DENND3: variants seen among roughly 807,000 people sequenced by gnomAD.
The protein encoded by DENND3 is DENN domain containing 3.
A neutral mutation model predicts 135.1 loss-of-function variants in DENND3; 88 were observed. That is an observed-to-expected ratio of 0.65 (90% CI 0.55 to 0.78). The LOEUF is 0.78. DENND3 is among the 30% of genes least tolerant of loss of function. The pLI is 0.00. For synonymous variants in DENND3, 693 were observed against 712.3 expected, an observed-to-expected ratio of 0.97 and a Z score of 0.43; for missense variants, 1,392 against 1,688.4, an observed-to-expected ratio of 0.82 and a Z score of 3.08.
chr8:141,170,627 C>T (rs887603669), intron 13 of DENND3, among the ~76,000 whole-genome samples: 14 of 152,178 alleles, frequency 9.2e-5, no homozygotes, highest in East Asian at 1.9e-4. Flanking sequence ...GCTTCGGGGA[C>T]GCTGAGATGC....
rs1819140495 is a variant in DENND3, at chr8:141,154,044, T to C, written c.1075-1805T>C. ...AAACACTTGTGTCTCCCAAAGACGC[T>C]GGGCGTTAACACATCCACGGGACCG... On this transcript the variant is annotated intron_variant, in intron 7 of 22. Coordinates refer to ENST00000519811, the MANE Select transcript of DENND3 (RefSeq NM_001352890.3). This position sits in a 1 kb window ranked among gnomAD's most constrained non-coding sequence, Gnocchi z 4.4. Among the ~76,000 whole-genome samples the C allele has an allele frequency of 6.6e-6, 1 of 152,236 alleles. No homozygotes were observed. Among genetic ancestry groups the C allele is most frequent in the Non-Finnish European group, 1.5e-5 (1 of 68,030 alleles).
At chr8:141,149,687 C>T (rs111381281) in intron 5 of DENND3, among the ~76,000 whole-genome samples, 8 of 152,246 alleles carry the variant, frequency 5.3e-5, no homozygotes, top group African/African-American at 9.6e-5. Flanking sequence ...CCATATGTGC[C>T]GGTTGGGCTT....
chr8:141,193,611 T>G, intron 22 of DENND3: 1 of 164,912 alleles, frequency 6.1e-6, no homozygotes, highest in Non-Finnish European at 1.3e-5. Context: ...TGGGGCGGAA[T>G]TCGTTTAGTG....
Position 141,180,868 on chromosome 8 carries a change from G to A in DENND3, c.2944+14G>A, listed in dbSNP as rs750716418. The stretch of plus-strand genomic sequence containing the variant: ...TCTACACTCCAGGTAAGGCCCCTCT[G>A]CCCGCGCCTCGCTGCCAGTTTTCAG... On this transcript the variant is annotated intron_variant, in intron 17 of 22. Transcript: ENST00000519811. The A allele has an allele frequency of 1.9e-6, 3 of 1,602,116 alleles. No homozygotes were observed. The highest frequency in any genetic ancestry group is 1.7e-5 in the Admixed American group (1 of 58,946).
Position 141,194,386 on chromosome 8 carries a change from C to A in DENND3, c.*153C>A. On this transcript the variant is annotated 3_prime_UTR_variant, in exon 23 of 23. Coordinates refer to ENST00000519811, the MANE Select transcript of DENND3 (RefSeq NM_001352890.3). ...CTTACCGTGTGGCCAGCCGCGAGAC[C>A]CATGGCCACGCACCTTCTCTCAGGC... The A allele has an allele frequency of 2.3e-6, 2 of 863,474 alleles. No homozygotes were observed. Among genetic ancestry groups the A allele is most frequent in the Admixed American group, 2.6e-5 (1 of 38,564 alleles). 53.5% of individuals were successfully genotyped at this position (863,474 alleles called of 1,614,324 possible). A position where few individuals can be genotyped will look rare whatever the true frequency, so the allele number is the denominator to read the frequency against.
At chr8:141,133,727 C>T (rs191371432) in intron 1 of DENND3, among the ~76,000 whole-genome samples, 3 of 152,058 alleles carry the variant, frequency 2.0e-5, no homozygotes, top group East Asian at 1.9e-4. Context: ...GGCTGGGGCC[C>T]GAGGGGCTGG....
rs1816927298 is a variant in DENND3 at position 141,137,617 on chromosome 8, T to C, written c.386-405T>C. 6.6e-6 allele frequency among the ~76,000 whole-genome samples: 1 copy of C among 152,162 alleles called. No individual in the cohort carries two copies. The highest frequency in any genetic ancestry group is 2.4e-5 in the African/African-American group (1 of 41,440). ...TCCAGTTAACAGGTGAGCTTGCATTTTGGGGCGTTATTTTTCCTGTGGTCT... is the reference window on the plus strand; with the variant it reads ...TCCAGTTAACAGGTGAGCTTGCATTCTGGGGCGTTATTTTTCCTGTGGTCT... On this transcript the variant is annotated intron_variant, in intron 2 of 22. Transcript: ENST00000519811. This position sits in a 1 kb window ranked among gnomAD's most constrained non-coding sequence, Gnocchi z 4.1.
rs1207059228 is a variant in DENND3, at chr8:141,155,896, C to G, written c.1122C>G (p.Thr374=). 1 of 1,612,870 alleles carries G rather than the reference C, an allele frequency of 6.2e-7. No individual in the cohort carries two copies. The highest frequency in any genetic ancestry group is 1.1e-5 in the South Asian group (1 of 90,876). The part of the protein sequence containing the change: ...VLINIDHGSI[T]YSKSTDDNVD... Reference sequence around the variant, plus strand: ...TAAATATTGATCATGGGAGCATCACCTACTCCAAGTCCACGGACGATAACG... The same window carrying G: ...TAAATATTGATCATGGGAGCATCACGTACTCCAAGTCCACGGACGATAACG... The change falls in exon 8 of 23, where the codon ACC becomes ACG. Residue 374 remains threonine (T), a synonymous_variant. Coordinates refer to ENST00000519811, the MANE Select transcript of DENND3 (RefSeq NM_001352890.3).
At chr8:141,147,075 G>A (rs1381335993) in intron 5 of DENND3, among the ~76,000 whole-genome samples, 4 of 152,178 alleles carry the variant, frequency 2.6e-5, no homozygotes, top group African/African-American at 4.8e-5. Flanking sequence ...CGACGCACCC[G>A]TGAGGAAGGT....
chr8:141,171,778 C>T (rs1173981072), intron 13 of DENND3, among the ~76,000 whole-genome samples: 1 of 150,970 alleles, frequency 6.6e-6, no homozygotes, highest in African/African-American at 2.4e-5. Flanking sequence ...CATGGGTGTG[C>T]AAAGTAGTGG....
intron 18 of DENND3, chr8:141,188,729 C>T (rs555716082): frequency 1.6e-5 from 7 of 440,760 alleles, no homozygotes; most frequent in East Asian, 4.3e-5. Flanking sequence ...TGCTGGCGGC[C>T]GTGGGTTTCG....
rs307772 is a variant in DENND3 at position 141,136,609 on chromosome 8, T to A, written c.203T>A (p.Met68Lys). 3 of 1,601,552 alleles carry A rather than the reference T, an allele frequency of 1.9e-6. No individual in the cohort carries two copies. Among genetic ancestry groups the A allele is most frequent in the Non-Finnish European group, 2.6e-6 (3 of 1,174,224 alleles). The part of the protein sequence containing the change: ...PPFISKEDSQ[M>K]AGANCGTLGK... ...TTTATCAGTAAAGAGGACAGTCAAATGGCCGGTGCCAACTGCGGCACTCTC... is the reference window on the plus strand; with the variant it reads ...TTTATCAGTAAAGAGGACAGTCAAAAGGCCGGTGCCAACTGCGGCACTCTC... The change falls in exon 2 of 23, where the codon ATG (methionine) becomes AAG (lysine). Residue 68 changes from methionine (M) to lysine (K), a missense_variant. By Grantham distance (95) the Met-to-Lys change is moderately conservative. Transcript: ENST00000519811.
intron 13 of DENND3, among the ~76,000 whole-genome samples, chr8:141,171,566 A>G (rs1821563041): frequency 6.6e-6 from 1 of 152,210 alleles, no homozygotes; most frequent in Non-Finnish European, 1.5e-5. Flanking sequence ...TGTTTGTGTG[A>G]AACTGGAGAC....
At position 141,176,688 on chromosome 8, in the gene DENND3, A is replaced by C. The variant is rs201229068; in HGVS notation, c.2633A>C (p.Lys878Thr). 1 of 1,614,270 alleles carries C rather than the reference A, an allele frequency of 6.2e-7. No individual in the cohort carries two copies. Among genetic ancestry groups the C allele is most frequent in the East Asian group, 2.2e-5 (1 of 44,894 alleles). The stretch of plus-strand genomic sequence containing the variant: ...AAAGAAGTCTTCGAAGCCAACCTGA[A>C]AACCGAGTGTGACCTTTGGCACCTG... Reference protein sequence around the residue: ...SKKEVFEANLKTECDLWHLMV... With the variant: ...SKKEVFEANLTTECDLWHLMV... Residue 878 changes from lysine (K) to threonine (T), a missense_variant, in exon 15 of 23, where the codon AAA (lysine) becomes ACA (threonine). Coordinates refer to ENST00000519811, the MANE Select transcript of DENND3 (RefSeq NM_001352890.3).
At chr8:141,171,769 A>G (rs996617265) in intron 13 of DENND3, among the ~76,000 whole-genome samples, 2 of 150,956 alleles carry the variant, frequency 1.3e-5, no homozygotes, top group African/African-American at 4.9e-5. Flanking sequence ...CACAGCGGCC[A>G]TGGGTGTGCA....
rs745389614 is a variant in DENND3, at chr8:141,175,368, T to C, written c.2444T>C (p.Val815Ala). Residue 815 changes from valine to alanine, a missense_variant, in exon 14 of 23, where the codon GTT becomes GCT. Val to Ala is a moderately conservative substitution (Grantham distance 64). Transcript: ENST00000519811. This position sits in a 1 kb window ranked among gnomAD's most constrained non-coding sequence, Gnocchi z 5.4. ...AGCTCCGTCAAGACAAACCTAGGCG[T>C]TGGCAAGATCGCCATGACCCAGAAG... ...LSSSVKTNLG[V>A]GKIAMTQKRL... 1.9e-6 allele frequency: 3 copies of C among 1,614,176 alleles called. No homozygotes were observed. Among genetic ancestry groups the C allele is most frequent in the Admixed American group, 1.7e-5 (1 of 60,022 alleles).
At chr8:141,143,888 G>A in intron 4 of DENND3, 1 of 360,934 alleles carries the variant, frequency 2.8e-6, no homozygotes, top group Non-Finnish European at 5.0e-6. Context: ...CATGTAACTA[G>A]CACCCAGATG....
chr8:141,150,244 AGT>A, intron 5 of DENND3: 1 of 1,102,436 alleles, frequency 9.1e-7, no homozygotes, highest in Non-Finnish European at 1.2e-6. Context: ...GCCCTCCCTC[AGT>A]GAAGGAACTG....
At chr8:141,151,567 A>ATTT (rs878896784) in intron 6 of DENND3, 52 bp from the exon 7 acceptor site, 2 of 1,305,216 alleles carry the variant, frequency 1.5e-6, no homozygotes, top group Non-Finnish European at 2.2e-6. Flanking sequence ...CCCTGTCTGT[A>ATTT]TTTTTTTTTT....
Sources: allele counts gnomAD v4.1 joint callset (sites outside exome capture counted in the v4.1 genomes callset), GRCh38; gene constraint gnomAD v4.1.1; non-coding constraint Gnocchi (gnomAD v3.1); transcripts MANE v1.5; gene names NCBI Gene and HGNC (gene_info 2026-07-23, HGNC 2026-07-21).